Variants in ZNF143 observed in about 807,000 individuals in gnomAD.
ZNF143 encodes the protein SPH-binding factor.
Under a neutral mutation model 74.1 loss-of-function variants are expected in ZNF143, and 49 were observed. The observed-to-expected ratio is 0.66, with a 90% CI of 0.53 to 0.84. The LOEUF (loss-of-function observed/expected upper bound fraction) is 0.84. Ranked by LOEUF, ZNF143 falls within the 40% of genes least tolerant of loss-of-function variation. The pLI is 0.00. For missense variants in ZNF143, 637 were observed against 793.4 expected, an observed-to-expected ratio of 0.80 and a Z score of 2.37; for synonymous variants, 304 against 282.8, an observed-to-expected ratio of 1.07 and a Z score of -0.75.
chr11:9,483,361 G>A (rs538478544), intron 7 of ZNF143, among the ~76,000 whole-genome samples: 4 of 136,960 alleles, frequency 2.9e-5, no homozygotes, highest in Non-Finnish European at 3.0e-5. Context: ...GCAGTGGCGC[G>A]ATCTCAGCTC....
At chr11:9,479,290 C>T (rs1265664076) in intron 6 of ZNF143, among the ~76,000 whole-genome samples, 182 bp from the exon 7 acceptor site, 1 of 152,052 alleles carries the variant, frequency 6.6e-6, no homozygotes, top group Non-Finnish European at 1.5e-5. Flanking sequence ...CTGGCATGAG[C>T]CACCATGCCC....
chr11:9,516,129 C>T lies in ZNF143; in HGVS notation c.1525-72C>T, dbSNP rs914148942. ...AGGGCAAACTTATACAAGGATTAGT[C>T]CTGGTCCTTATGGAAGATTGTCAGC... On this transcript the variant is annotated intron_variant, in intron 13 of 15. Transcript: ENST00000396602. 6.0e-6 allele frequency: 9 copies of T among 1,498,128 alleles called. No homozygotes were observed. The African/African-American group carries it at 9.6e-5, about 16-fold the overall frequency. 92.8% of individuals were successfully genotyped at this position (1,498,128 alleles called of 1,614,324 possible). A position where few individuals can be genotyped will look rare whatever the true frequency, so the allele number is the denominator to read the frequency against.
At chr11:9,523,594 C>T (rs1237538396) in intron 14 of ZNF143, among the ~76,000 whole-genome samples, 7 of 151,630 alleles carry the variant, frequency 4.6e-5, no homozygotes, top group African/African-American at 1.5e-4. Flanking sequence ...ATTAGCTGGG[C>T]GTGATGGCGG....
chr11:9,487,531 G>A (rs1847607020), intron 7 of ZNF143, among the ~76,000 whole-genome samples: 2 of 151,400 alleles, frequency 1.3e-5, no homozygotes, highest in African/African-American at 4.9e-5. Flanking sequence ...CTAATTTTTT[G>A]TATTTTTAGT....
chr11:9,511,175 A>T (rs1437883612), intron 12 of ZNF143, among the ~76,000 whole-genome samples: 1 of 120,216 alleles, frequency 8.3e-6, no homozygotes, highest in African/African-American at 3.1e-5. Context: ...CAATGGTGCC[A>T]TCTCGGCTCA....
intron 14 of ZNF143, among the ~76,000 whole-genome samples, chr11:9,521,116 G>A (rs1215280326): frequency 6.6e-6 from 1 of 152,074 alleles, no homozygotes; most frequent in Admixed American, 6.6e-5. Flanking sequence ...AGAGGAACAC[G>A]TTTGTTACTG....
In ZNF143 at chr11:9,483,288, CTTTTT is replaced by C. The variant is rs58704619; in HGVS notation, c.645+3764_645+3768del. 3.4e-4 allele frequency among the ~76,000 whole-genome samples: 17 copies of C among 50,200 alleles called. 1 individual carries two copies. The highest frequency in any genetic ancestry group is 1.3e-3 in the African/African-American group (15 of 11,300). 32.9% of individuals were successfully genotyped at this position (50,200 alleles called of 152,430 possible). ...GGATTACAGGTGTGAGCCAACATGC[CTTTTT>C]TTTTTTTTTTTTTTTTTTTTTGGAG... On this transcript the variant is annotated intron_variant, in intron 7 of 15. Coordinates refer to ENST00000396602, the MANE Select transcript of ZNF143 (RefSeq NM_003442.6).
At chr11:9,479,648 T>C in intron 7 of ZNF143, 102 bp downstream of exon 7, 1 of 876,878 alleles carries the variant, frequency 1.1e-6, no homozygotes, top group Non-Finnish European at 1.7e-6. Context: ...TCTAGGAAAA[T>C]CTCACCAGTT....
intron 10 of ZNF143, among the ~76,000 whole-genome samples, chr11:9,498,090 A>T (rs1410133518): frequency 6.6e-6 from 1 of 152,322 alleles, no homozygotes; most frequent in South Asian, 2.1e-4. Flanking sequence ...TCTGCCTCCC[A>T]AAGTGCTGCG....
At position 9,508,773 on chromosome 11, in the gene ZNF143, G is replaced by T; in HGVS notation, c.1302G>T (p.Met434Ile). 6.2e-7 allele frequency: 1 copy of T among 1,612,030 alleles called. No homozygotes were observed. Among genetic ancestry groups the T allele is most frequent in the Non-Finnish European group, 8.5e-7 (1 of 1,178,938 alleles). Residue 434 changes from methionine to isoleucine, a missense_variant, in exon 12 of 16, where the codon ATG becomes ATT. Coordinates refer to ENST00000396602, the MANE Select transcript of ZNF143 (RefSeq NM_003442.6). Reference sequence around the variant, plus strand: ...ACAAGCAGATCTCCACGCTGGCCATGCACAAACGGACAGCCCACAACGACA... The same window carrying T: ...ACAAGCAGATCTCCACGCTGGCCATTCACAAACGGACAGCCCACAACGACA... The part of the protein sequence containing the change: ...KTYKQISTLA[M>I]HKRTAHNDTE...
intron 1 of ZNF143, among the ~76,000 whole-genome samples, chr11:9,463,485 A>C (rs535781276): frequency 2.6e-5 from 4 of 152,300 alleles, no homozygotes; most frequent in Non-Finnish European, 5.9e-5. Flanking sequence ...AGTGTGGATG[A>C]AATGGTGTCT....
chr11:9,462,757 C>T (rs1405576015), intron 1 of ZNF143, among the ~76,000 whole-genome samples: 1 of 151,992 alleles, frequency 6.6e-6, no homozygotes, highest in Non-Finnish European at 1.5e-5. Flanking sequence ...CGCCTGTAAT[C>T]CCAGTTACTC....
chr11:9,521,579 TTTG>T (rs1256704830), intron 14 of ZNF143, among the ~76,000 whole-genome samples: 24 of 151,928 alleles, frequency 1.6e-4, no homozygotes, highest in South Asian at 1.2e-3. Context: ...TTGTTTTTTT[TTTG>T]TTGTTGTTGT....
chr11:9,475,910 ATGTGTGTGTGTG>A (rs61636956), intron 5 of ZNF143, among the ~76,000 whole-genome samples: 15,246 of 137,368 alleles, frequency 0.11, 1,014 homozygotes, highest in Non-Finnish European at 0.15. Flanking sequence ...AAAAATATAT[ATGTGTGTGTGTG>A]TGTGTGTGTG....
intron 1 of ZNF143, among the ~76,000 whole-genome samples, chr11:9,468,618 G>A (rs1856385708): frequency 6.6e-6 from 1 of 152,156 alleles, no homozygotes; most frequent in Non-Finnish European, 1.5e-5. Flanking sequence ...TTGCTAGCAC[G>A]TTCTAATTAC....
At chr11:9,471,573 A>G (rs1400880514) in intron 2 of ZNF143, among the ~76,000 whole-genome samples, 153 bp downstream of exon 2, 2 of 150,104 alleles carry the variant, frequency 1.3e-5, no homozygotes, top group African/African-American at 4.9e-5. Flanking sequence ...TTGAAACGGG[A>G]CGGAGTTTTA....
At chr11:9,473,290 C>A (rs1327190175) in intron 3 of ZNF143, among the ~76,000 whole-genome samples, 6 of 151,256 alleles carry the variant, frequency 4.0e-5, no homozygotes, top group Non-Finnish European at 7.4e-5. Flanking sequence ...ACTCAGGAGG[C>A]TGAGGCAGGA....
rs184996915 is a variant in ZNF143 at position 9,512,603 on chromosome 11, A to G, written c.1524+7A>G. 3.7e-6 allele frequency: 6 copies of G among 1,613,646 alleles called. No individual in the cohort carries two copies. Among genetic ancestry groups the G allele is most frequent in the Non-Finnish European group, 5.1e-6 (6 of 1,179,590 alleles). On this transcript the variant is annotated splice_region_variant and intron_variant, in intron 13 of 15. Transcript: ENST00000396602. The stretch of plus-strand genomic sequence containing the variant: ...CCAGGATGGGACTCAGCATGTAAGT[A>G]TCCACCAAAAGCCAAACAAATTAAA...
At chr11:9,466,052 G>A (rs890941101) in intron 1 of ZNF143, among the ~76,000 whole-genome samples, 42 of 150,938 alleles carry the variant, frequency 2.8e-4, no homozygotes, top group Admixed American at 1.5e-3. Context: ...GCTAGATCTC[G>A]GCTCACTGCA....
Sources: gnomAD v4.1 joint callset for allele counts (sites outside exome capture counted in the v4.1 genomes callset) on GRCh38, gnomAD v4.1.1 for gene constraint, MANE v1.5 for transcripts, NCBI Gene and HGNC (gene_info 2026-07-23, HGNC 2026-07-21) for gene names.